ZNF385D: variants seen among roughly 807,000 people sequenced by gnomAD.
ZNF385D encodes the protein zinc finger protein 659.
A neutral mutation model predicts 35.8 loss-of-function variants in ZNF385D; 15 were observed. The observed-to-expected ratio is 0.42, with a 90% CI of 0.28 to 0.64. The LOEUF (loss-of-function observed/expected upper bound fraction) is 0.64, where lower values mean the gene tolerates loss of function less well. Ranked by LOEUF, ZNF385D falls within the 30% of genes least tolerant of loss-of-function variation. ZNF385D has a pLI of 0.23. For missense variants in ZNF385D, 474 were observed against 494.6 expected (o/e 0.96, Z 0.39); for synonymous variants, 212 against 186.8 (o/e 1.13, Z -1.10).
chr3:22,371,051 A>G (rs531397469), intron 2 of ZNF385D, among the ~76,000 whole-genome samples: 2 of 152,356 alleles, frequency 1.3e-5, no homozygotes, highest in South Asian at 2.1e-4. Flanking sequence ...TCTAAAAAAC[A>G]TCTGGAAAGA....
At chr3:22,083,894 C>T (rs1700893375) in intron 3 of ZNF385D, among the ~76,000 whole-genome samples, 1 of 152,198 alleles carries the variant, frequency 6.6e-6, no homozygotes, top group Non-Finnish European at 1.5e-5. Context: ...TCAGCAGAAA[C>T]TCTACAAGCC....
intron 3 of ZNF385D, among the ~76,000 whole-genome samples, chr3:21,991,007 C>T (rs2133011): frequency 6.6e-6 from 1 of 152,144 alleles, no homozygotes; most frequent in Admixed American, 6.5e-5. Context: ...ATCAAAGCTT[C>T]TAATTTGCAG....
chr3:22,182,902 G>A (rs918884591), intron 2 of ZNF385D, among the ~76,000 whole-genome samples: 16 of 151,728 alleles, frequency 1.1e-4, no homozygotes, highest in Admixed American at 3.9e-4. Context: ...TTTATATTTT[G>A]CAAATGCATT....
chr3:21,562,314 T>TTTCTAAAGCATGTCTGACAATATTTCTA (rs1250920057), intron 3 of ZNF385D, among the ~76,000 whole-genome samples: 1 of 152,132 alleles, frequency 6.6e-6, no homozygotes, highest in Non-Finnish European at 1.5e-5. Context: ...ATGTATGTGT[T>TTTCTAAAGCATGTCTGACAATATTTCTA]TTCTAAAGCA....
intron 2 of ZNF385D, among the ~76,000 whole-genome samples, chr3:21,605,959 T>A (rs1233108711): frequency 5.3e-5 from 8 of 151,560 alleles, no homozygotes; most frequent in Non-Finnish European, 7.4e-5. Context: ...TCTTAAAACG[T>A]GCAGACTGTG....
chr3:21,583,002 G>A (rs545137540), intron 2 of ZNF385D, among the ~76,000 whole-genome samples: 26 of 152,064 alleles, frequency 1.7e-4, no homozygotes, highest in Middle Eastern at 6.8e-3. Context: ...TCCTTACCTC[G>A]TGATCTGCCC....
chr3:21,710,787 T>C (rs1362632542), intron 1 of ZNF385D, among the ~76,000 whole-genome samples: 1 of 152,182 alleles, frequency 6.6e-6, no homozygotes, highest in Non-Finnish European at 1.5e-5. Context: ...ATGTAACCTC[T>C]CATTGAATAC....
chr3:21,834,639 A>G (rs1695209712), intron 3 of ZNF385D, among the ~76,000 whole-genome samples: 1 of 152,168 alleles, frequency 6.6e-6, no homozygotes, highest in East Asian at 1.9e-4. Context: ...GACAATTTGT[A>G]TTCATCTTTT....
chr3:22,300,058 T>C (rs1449177210), intron 2 of ZNF385D, among the ~76,000 whole-genome samples: 1 of 151,968 alleles, frequency 6.6e-6, no homozygotes, highest in African/African-American at 2.4e-5. Flanking sequence ...CTTTAAAATA[T>C]ACTATAAAGC....
chr3:22,101,174 A>G (rs1188162814), intron 3 of ZNF385D, among the ~76,000 whole-genome samples: 2 of 152,098 alleles, frequency 1.3e-5, no homozygotes, highest in Non-Finnish European at 2.9e-5. Flanking sequence ...TGTCTTTTCT[A>G]GTAGTATTCA....
chr3:22,314,571 C>T (rs1036059815), intron 2 of ZNF385D, among the ~76,000 whole-genome samples: 16 of 151,980 alleles, frequency 1.1e-4, no homozygotes, highest in African/African-American at 3.6e-4. Context: ...TTCTTCTACC[C>T]AGGATATTAA....
rs146655846 is a variant in ZNF385D at position 21,608,351 on chromosome 3, C to T, written c.166-43667G>A. ...AATTATGTATGTCTTTCAGGATTGT[C>T]GTTAGTAAAATTTCTTGTTAGCTAC... On this transcript the variant is annotated intron_variant, in intron 2 of 7. Transcript: ENST00000281523. Among the ~76,000 whole-genome samples, 180 of 152,080 alleles carry T rather than the reference C, an allele frequency of 1.2e-3. 1 individual carries two copies. Among genetic ancestry groups the T allele is most frequent in the Non-Finnish European group, 1.8e-3 (125 of 67,978 alleles).
At chr3:21,511,785 G>C in intron 3 of ZNF385D, 2 of 456,086 alleles carry the variant, frequency 4.4e-6, no homozygotes, top group South Asian at 1.5e-5. Flanking sequence ...AGAGTTTAGA[G>C]TGATATGCAT....
intron 3 of ZNF385D, among the ~76,000 whole-genome samples, chr3:21,822,155 T>G (rs989295568): frequency 6.6e-6 from 1 of 152,066 alleles, no homozygotes; most frequent in Admixed American, 6.5e-5. Flanking sequence ...CACTGTAAGC[T>G]CTGCCTCCTG....
intron 2 of ZNF385D, among the ~76,000 whole-genome samples, chr3:22,272,305 T>C (rs1161373038): frequency 6.6e-6 from 1 of 151,980 alleles, no homozygotes; most frequent in Non-Finnish European, 1.5e-5. Flanking sequence ...TAATCTATTG[T>C]CTTTCCCGTT....
chr3:21,730,383 T>C (rs542295901), intron 1 of ZNF385D, among the ~76,000 whole-genome samples: 20 of 152,364 alleles, frequency 1.3e-4, no homozygotes, highest in Admixed American at 7.2e-4. Flanking sequence ...GGGAAGCTTT[T>C]GCACATTTTT....
At chr3:21,674,759 G>C (rs895271154) in intron 1 of ZNF385D, among the ~76,000 whole-genome samples, 5 of 152,058 alleles carry the variant, frequency 3.3e-5, no homozygotes, top group Admixed American at 6.6e-5. Flanking sequence ...AACATTACTA[G>C]ACTTACTTGA....
At chr3:21,515,362 G>A (rs1707491704) in intron 3 of ZNF385D, among the ~76,000 whole-genome samples, 1 of 152,018 alleles carries the variant, frequency 6.6e-6, no homozygotes, top group African/African-American at 2.4e-5. Context: ...TAAAAACTCA[G>A]ACATTTATTA....
intron 3 of ZNF385D, among the ~76,000 whole-genome samples, chr3:21,915,551 T>C (rs1029727576): frequency 1.3e-5 from 2 of 152,132 alleles, no homozygotes; most frequent in Admixed American, 6.5e-5. Flanking sequence ...ATTGCCTGTA[T>C]TGATGCTTTG....
Sources: allele counts gnomAD v4.1 joint callset (sites outside exome capture counted in the v4.1 genomes callset), GRCh38; gene constraint gnomAD v4.1.1; transcripts MANE v1.5; gene names NCBI Gene and HGNC (gene_info 2026-07-23, HGNC 2026-07-21).